BTC: variants seen among roughly 807,000 people sequenced by gnomAD.
BTC encodes the protein probetacellulin.
In BTC, 13 loss-of-function variants were observed where a neutral mutation model predicts 18.1. The observed-to-expected ratio is 0.72, with a 90% CI of 0.47 to 1.14. BTC has a LOEUF of 1.14. Ranked by LOEUF, BTC falls within the 50% of genes most tolerant of loss-of-function variation. The pLI is 0.00. For synonymous variants in BTC, 83 were observed against 79.4 expected (o/e 1.05, Z -0.24); for missense variants, 247 against 224.2 (o/e 1.10, Z -0.65).
chr4:74,757,457 G>A lies in BTC; in HGVS notation c.164-1481C>T, dbSNP rs1481594654. On this transcript the variant is annotated intron_variant, in intron 2 of 5. Transcript: ENST00000395743. ...ATTTGCTTGATACATGTCAACCAAT[G>A]AGACTCATCAGAAGGACTGAAATTT... Among the ~76,000 whole-genome samples, 4 of 152,244 alleles carry A rather than the reference G, an allele frequency of 2.6e-5. No homozygotes were observed. In the East Asian group the frequency reaches 5.8e-4, roughly 22 times the overall value.
intron 3 of BTC, among the ~76,000 whole-genome samples, chr4:74,754,938 A>AACACACACACACACAC (rs33972204): frequency 3.4e-3 from 516 of 150,016 alleles, no homozygotes; most frequent in African/African-American, 0.012. Context: ...TATCCCTCTC[A>AACACACACACACACAC]ACACACACAC....
rs1313479527 is a variant in BTC at position 74,791,016 on chromosome 4, GTC to G, written c.64+3244_64+3245del. Among the ~76,000 whole-genome samples, 9 of 152,274 alleles carry G rather than the reference GTC, an allele frequency of 5.9e-5. No homozygotes were observed. The East Asian group carries it at 1.7e-3, about 29-fold the overall frequency. ...TTTTTCCTGTTATATGCAACGCAAC[GTC>G]TCTGCACTGGAGTGTCCTATCTCTC... On this transcript the variant is annotated intron_variant, in intron 1 of 5. Coordinates refer to ENST00000395743, the MANE Select transcript of BTC (RefSeq NM_001729.4).
chr4:74,756,003 A>C, intron 2 of BTC, 27 bp from the exon 3 acceptor site: 1 of 1,529,914 alleles, frequency 6.5e-7, no homozygotes, highest in Non-Finnish European at 9.1e-7. Context: ...AGTTCAATAA[A>C]TCAACTCTCT....
At chr4:74,761,424 A>T (rs1286713155) in intron 2 of BTC, among the ~76,000 whole-genome samples, 1 of 152,154 alleles carries the variant, frequency 6.6e-6, no homozygotes, top group Admixed American at 6.5e-5. Context: ...TGTCCTAAAC[A>T]CATCTCTATG....
Position 74,747,339 on chromosome 4 carries a change from G to T in BTC, c.*2-664C>A, listed in dbSNP as rs931836670. Among the ~76,000 whole-genome samples the T allele has an allele frequency of 2.6e-5, 4 of 152,256 alleles. No homozygotes were observed. The East Asian group carries it at 7.7e-4, about 29-fold the overall frequency. The stretch of plus-strand genomic sequence containing the variant: ...AGGCACCTGCTGAAGATCCGAAGGC[G>T]AAAGGAGAGAAAGTTTGGAATACTT... On this transcript the variant is annotated intron_variant, in intron 5 of 5. Transcript: ENST00000395743.
intron 1 of BTC, among the ~76,000 whole-genome samples, chr4:74,780,072 G>C (rs1725278059): frequency 6.6e-6 from 1 of 152,166 alleles, no homozygotes; most frequent in Admixed American, 6.6e-5. Context: ...GAGTAAAGCT[G>C]TTCAGCTGGA....
At chr4:74,787,778 C>G (rs1199660172) in intron 1 of BTC, among the ~76,000 whole-genome samples, 1 of 152,122 alleles carries the variant, frequency 6.6e-6, no homozygotes, top group South Asian at 2.1e-4. Flanking sequence ...TGTTAGTTCC[C>G]ACATACGTAA....
intron 2 of BTC, among the ~76,000 whole-genome samples, chr4:74,769,373 C>T (rs1365083996): frequency 6.6e-6 from 1 of 152,186 alleles, no homozygotes; most frequent in Non-Finnish European, 1.5e-5. Context: ...GGCCCACAGC[C>T]TGTTTCTCTA....
chr4:74,770,640 T>C (rs1427163039), intron 1 of BTC, among the ~76,000 whole-genome samples: 1 of 152,074 alleles, frequency 6.6e-6, no homozygotes, highest in African/African-American at 2.4e-5. Context: ...TTTAGGCTCC[T>C]CTAGCTAAGA....
chr4:74,763,190 T>C (rs1724809100), intron 2 of BTC, among the ~76,000 whole-genome samples: 1 of 152,140 alleles, frequency 6.6e-6, no homozygotes, highest in African/African-American at 2.4e-5. Context: ...TACAGAAAAA[T>C]ACTAAATAAT....
intron 4 of BTC, among the ~76,000 whole-genome samples, chr4:74,749,781 T>A (rs1021070629): frequency 1.0e-3 from 132 of 129,320 alleles, no homozygotes; most frequent in African/African-American, 3.6e-3. Flanking sequence ...AAAAAGAAAC[T>A]AATTTAACTA....
At chr4:74,790,104 T>C (rs1725581895) in intron 1 of BTC, among the ~76,000 whole-genome samples, 1 of 152,196 alleles carries the variant, frequency 6.6e-6, no homozygotes, top group Non-Finnish European at 1.5e-5. Context: ...ACCTATTTCA[T>C]AACTAGCGGG....
At chr4:74,753,836 A>T (rs1046233911) in intron 3 of BTC, among the ~76,000 whole-genome samples, 15 of 152,136 alleles carry the variant, frequency 9.9e-5, no homozygotes, top group Admixed American at 3.3e-4. Context: ...AGAAAAAAAA[A>T]ATATTGTTCT....
chr4:74,792,779 C>T (rs1317516494), intron 1 of BTC, among the ~76,000 whole-genome samples: 3 of 152,216 alleles, frequency 2.0e-5, no homozygotes, highest in Non-Finnish European at 2.9e-5. Context: ...CCTCAAGGCA[C>T]GCATTCGTGT....
At chr4:74,767,308 G>A (rs1239748258) in intron 2 of BTC, among the ~76,000 whole-genome samples, 1 of 150,930 alleles carries the variant, frequency 6.6e-6, no homozygotes, top group Non-Finnish European at 1.5e-5. Context: ...TATTCAAAAA[G>A]CAAAGTAAAA....
In BTC at chr4:74,794,208, G is replaced by T; in HGVS notation, c.64+54C>A. The stretch of plus-strand genomic sequence containing the variant: ...TCGGTTCAGGGTTCGCCCTCCCCGC[G>T]ACTCCAGCCCCAGACTTTCCTCCTG... On this transcript the variant is annotated intron_variant, in intron 1 of 5. Coordinates refer to ENST00000395743, the MANE Select transcript of BTC (RefSeq NM_001729.4). The T allele has an allele frequency of 1.9e-6, 3 of 1,546,438 alleles. No individual in the cohort carries two copies. The South Asian group carries it at 3.6e-5, about 18-fold the overall frequency.
chr4:74,781,334 C>T (rs1725320456), intron 1 of BTC, among the ~76,000 whole-genome samples: 3 of 151,840 alleles, frequency 2.0e-5, no homozygotes. Flanking sequence ...TCTCATAAGC[C>T]AAAGCTTGTC....
chr4:74,777,185 T>A (rs1316136968), intron 1 of BTC, among the ~76,000 whole-genome samples: 1 of 152,096 alleles, frequency 6.6e-6, no homozygotes, highest in Non-Finnish European at 1.5e-5. Context: ...TAAGATTGAG[T>A]TTCTCAACCA....
intron 2 of BTC, among the ~76,000 whole-genome samples, chr4:74,766,666 A>G (rs1724910436): frequency 6.6e-6 from 1 of 152,062 alleles, no homozygotes; most frequent in South Asian, 2.1e-4. Context: ...CCACTAGTGA[A>G]TTCTATCAAA....
Sources: allele counts gnomAD v4.1 joint callset (sites outside exome capture counted in the v4.1 genomes callset), GRCh38; gene constraint gnomAD v4.1.1; transcripts MANE v1.5; gene names NCBI Gene and HGNC (gene_info 2026-07-23, HGNC 2026-07-21).